Variants in NDUFS4 observed in about 807,000 individuals in gnomAD.
The protein encoded by NDUFS4 is NADH:ubiquinone oxidoreductase subunit S4, also known as NADH dehydrogenase [ubiquinone] iron-sulfur protein 4, mitochondrial.
Under a neutral mutation model 24.3 loss-of-function variants are expected in NDUFS4, and 28 were observed. That is an observed-to-expected ratio of 1.15 (90% confidence interval 0.85 to 1.58). The LOEUF is 1.58. Ranked by LOEUF, NDUFS4 falls within the 40% of genes most tolerant of loss-of-function variation. The probability of loss-of-function intolerance (pLI) is 0.00; values close to 1 mark genes in which losing one functional copy is unlikely to be tolerated. For missense variants in NDUFS4, 223 were observed against 207.9 expected (o/e 1.07, Z -0.45); for synonymous variants, 93 against 69.7 (o/e 1.34, Z -1.67).
intron 1 of NDUFS4, among the ~76,000 whole-genome samples, chr5:53,572,969 TG>T (rs377425854): frequency 0.28 from 31,934 of 112,816 alleles, 3,961 homozygotes; most frequent in African/African-American, 0.35. Flanking sequence ...TTTTTTTTTT[TG>T]TTTTTTTTTT....
chr5:53,574,894 C>T (rs1004394007), intron 1 of NDUFS4, among the ~76,000 whole-genome samples: 3 of 152,048 alleles, frequency 2.0e-5, no homozygotes, highest in Admixed American at 6.6e-5. Flanking sequence ...AAATCAGGGA[C>T]TAAGGGACTA....
chr5:53,680,749 GATGAGTTA>G (rs569839707), intron 4 of NDUFS4, among the ~76,000 whole-genome samples: 49 of 152,244 alleles, frequency 3.2e-4, no homozygotes, highest in Admixed American at 3.1e-3. Flanking sequence ...AATACTAAAT[GATGAGTTA>G]ATGGGCGCAG....
chr5:53,621,496 T>C (rs1465927805), intron 2 of NDUFS4, among the ~76,000 whole-genome samples: 1 of 151,934 alleles, frequency 6.6e-6, no homozygotes, highest in Non-Finnish European at 1.5e-5. Flanking sequence ...TTTTTCTTTC[T>C]TTTTTGTTTT....
chr5:53,638,944 G>A (rs1309319085), intron 2 of NDUFS4, among the ~76,000 whole-genome samples: 1 of 151,986 alleles, frequency 6.6e-6, no homozygotes, highest in African/African-American at 2.4e-5. Flanking sequence ...GACCACATGA[G>A]ATAAGATTTT....
intron 1 of NDUFS4, among the ~76,000 whole-genome samples, chr5:53,593,803 C>G (rs757786426): frequency 1.3e-5 from 2 of 151,854 alleles, no homozygotes; most frequent in Non-Finnish European, 2.9e-5. Context: ...TTTTTTGACC[C>G]ATGAGTTATT....
chr5:53,605,858 C>G (rs1393054294), intron 2 of NDUFS4, among the ~76,000 whole-genome samples: 1 of 151,916 alleles, frequency 6.6e-6, no homozygotes, highest in Non-Finnish European at 1.5e-5. Context: ...ACCAAAAATA[C>G]AAAAAATTTG....
chr5:53,638,458 C>T (rs748709030), intron 2 of NDUFS4, among the ~76,000 whole-genome samples: 1 of 151,962 alleles, frequency 6.6e-6, no homozygotes, highest in Non-Finnish European at 1.5e-5. Context: ...AAGGCAAACA[C>T]AGAAAACTAC....
intron 4 of NDUFS4, among the ~76,000 whole-genome samples, chr5:53,670,830 T>C (rs1432893193): frequency 6.6e-6 from 1 of 151,448 alleles, no homozygotes; most frequent in Non-Finnish European, 1.5e-5. Flanking sequence ...AGAGATACTG[T>C]AGGTCTCTAC....
chr5:53,654,627 A>G (rs554112934), intron 3 of NDUFS4, among the ~76,000 whole-genome samples: 1 of 152,274 alleles, frequency 6.6e-6, no homozygotes, highest in Admixed American at 6.5e-5. Context: ...CAGCATTTAG[A>G]GCCACTTATA....
intron 4 of NDUFS4, among the ~76,000 whole-genome samples, chr5:53,678,684 G>T (rs181811608): frequency 1.3e-5 from 2 of 152,066 alleles, no homozygotes; most frequent in African/African-American, 4.8e-5. Context: ...TTATTTTAGG[G>T]TTAAAGAAAG....
chr5:53,562,995 C>G (rs1227331175), intron 1 of NDUFS4, among the ~76,000 whole-genome samples: 3 of 151,894 alleles, frequency 2.0e-5, no homozygotes, highest in African/African-American at 7.3e-5. Context: ...TTTGGGAGGC[C>G]GAGGCGGGCA....
chr5:53,617,923 T>C (rs1750897670), intron 2 of NDUFS4, among the ~76,000 whole-genome samples: 1 of 152,188 alleles, frequency 6.6e-6, no homozygotes, highest in Non-Finnish European at 1.5e-5. Flanking sequence ...GTCCTCATCT[T>C]ATAAAATGAA....
chr5:53,587,410 T>C (rs960161928), intron 1 of NDUFS4, among the ~76,000 whole-genome samples: 3 of 152,066 alleles, frequency 2.0e-5, no homozygotes, highest in African/African-American at 7.2e-5. Flanking sequence ...AGATTTAACA[T>C]GGTTAGTGGT....
chr5:53,673,879 CA>C (rs980039217), intron 4 of NDUFS4, among the ~76,000 whole-genome samples: 3 of 152,074 alleles, frequency 2.0e-5, no homozygotes, highest in Non-Finnish European at 4.4e-5. Context: ...CCTTATACTC[CA>C]ACTTCTCCAG....
chr5:53,674,531 G>C (rs1740394316), intron 4 of NDUFS4, among the ~76,000 whole-genome samples: 1 of 151,696 alleles, frequency 6.6e-6, no homozygotes, highest in African/African-American at 2.4e-5. Flanking sequence ...AGAGATCTAG[G>C]GTTCACAACT....
At chr5:53,660,266 T>C (rs1752294744) in intron 4 of NDUFS4, among the ~76,000 whole-genome samples, 1 of 151,334 alleles carries the variant, frequency 6.6e-6, no homozygotes, top group Non-Finnish European at 1.5e-5. Context: ...TTTTTGTCCT[T>C]GCGATAGTTT....
intron 2 of NDUFS4, among the ~76,000 whole-genome samples, chr5:53,639,866 A>G (rs1751661468): frequency 6.6e-6 from 1 of 152,162 alleles, no homozygotes; most frequent in South Asian, 2.1e-4. Context: ...TCAAGAGAAG[A>G]CAGGTAGGAA....
rs146630201 is a variant in NDUFS4, at chr5:53,630,499, A to G, written c.178-15734A>G. Among the ~76,000 whole-genome samples the G allele has an allele frequency of 7.3e-3, 1,110 of 152,082 alleles. 14 individuals carry two copies. Among genetic ancestry groups the G allele is most frequent in the African/African-American group, 0.026 (1,058 of 41,488 alleles). Reference sequence around the variant, plus strand: ...TTTCCAACTTGTTTCCATTCTCCCTATCACTTTCAGGTACACCAATCAAAC... The same window carrying G: ...TTTCCAACTTGTTTCCATTCTCCCTGTCACTTTCAGGTACACCAATCAAAC... On this transcript the variant is annotated intron_variant, in intron 2 of 4. Coordinates refer to ENST00000296684, the MANE Select transcript of NDUFS4 (RefSeq NM_002495.4).
intron 2 of NDUFS4, among the ~76,000 whole-genome samples, chr5:53,633,175 C>T (rs1158945439): frequency 6.6e-6 from 1 of 152,088 alleles, no homozygotes; most frequent in Non-Finnish European, 1.5e-5. Context: ...CAAGAGAGTC[C>T]TTTCTGTAAC....
Sources: gnomAD v4.1 joint callset for allele counts (sites outside exome capture counted in the v4.1 genomes callset) on GRCh38, gnomAD v4.1.1 for gene constraint, MANE v1.5 for transcripts, NCBI Gene and HGNC (gene_info 2026-07-23, HGNC 2026-07-21) for gene names.